The following PABPC1L variants were observed in gnomAD, a reference collection of about 807,000 sequenced individuals.
The protein encoded by PABPC1L is polyadenylate-binding protein 1-like.
Under a neutral mutation model 66.6 loss-of-function variants are expected in PABPC1L, and 31 were observed. The ratio of observed to expected loss-of-function variants is 0.47; its 90% CI spans 0.35 to 0.63. PABPC1L has a LOEUF of 0.63. PABPC1L is among the 20% of genes least tolerant of loss of function. PABPC1L has a pLI of 0.00. For missense variants in PABPC1L, 722 were observed against 848.8 expected (o/e 0.85, Z 1.86); for synonymous variants, 348 against 335.1 (o/e 1.04, Z -0.42).
chr20:44,935,298 T>C, intron 10 of PABPC1L, 93 bp from the exon 11 acceptor site: 1 of 886,042 alleles, frequency 1.1e-6, no homozygotes, highest in Non-Finnish European at 1.8e-6. Flanking sequence ...ACGCTTGTTA[T>C]TTTCTGTTTT....
At chr20:44,915,655 C>T (rs1300070772) in intron 2 of PABPC1L, among the ~76,000 whole-genome samples, 1 of 151,918 alleles carries the variant, frequency 6.6e-6, no homozygotes, top group Non-Finnish European at 1.5e-5. Flanking sequence ...AAAAACTAGC[C>T]AGGCATGGTG....
intron 7 of PABPC1L, among the ~76,000 whole-genome samples, chr20:44,928,864 C>CAAAAAAAAAAAAAAAAAAAA (rs10597679): frequency 7.4e-5 from 4 of 54,340 alleles, no homozygotes; most frequent in Non-Finnish European, 9.1e-5. Flanking sequence ...GATCCTGACT[C>CAAAAAAAAAAAAAAAAAAAA]AAAAAAAAAA....
chr20:44,914,117 G>A (rs1041976057), intron 2 of PABPC1L, among the ~76,000 whole-genome samples: 5 of 151,904 alleles, frequency 3.3e-5, no homozygotes, highest in Non-Finnish European at 7.4e-5. Flanking sequence ...GATTTTATAA[G>A]GATAGTTGAT....
chr20:44,911,850 T>A (rs1208481768), intron 1 of PABPC1L, among the ~76,000 whole-genome samples: 1 of 152,222 alleles, frequency 6.6e-6, no homozygotes, highest in Non-Finnish European at 1.5e-5. Context: ...GAATCCGGGC[T>A]TCCTGAAACT....
chr20:44,928,864 C>CAAAAAAAA (rs10597679), intron 7 of PABPC1L, among the ~76,000 whole-genome samples: 10 of 54,358 alleles, frequency 1.8e-4, no homozygotes, highest in South Asian at 8.5e-4. Flanking sequence ...GATCCTGACT[C>CAAAAAAAA]AAAAAAAAAA....
intron 1 of PABPC1L, among the ~76,000 whole-genome samples, chr20:44,910,875 A>G: frequency 6.6e-6 from 1 of 152,220 alleles, no homozygotes; most frequent in East Asian, 1.9e-4. Flanking sequence ...GGGCTCTGAA[A>G]AACCGCTGCC....
At chr20:44,937,873 C>A in intron 12 of PABPC1L, 188 bp from the exon 13 acceptor site, 1 of 761,008 alleles carries the variant, frequency 1.3e-6, no homozygotes, top group Non-Finnish European at 2.0e-6. Flanking sequence ...GATGGGCTGA[C>A]CACCAATACC....
chr20:44,935,694 T>C (rs548209825), intron 11 of PABPC1L, among the ~76,000 whole-genome samples, 197 bp downstream of exon 11: 1 of 152,350 alleles, frequency 6.6e-6, no homozygotes, highest in Non-Finnish European at 1.5e-5. Flanking sequence ...TATTTACAAT[T>C]TGTTTTGCTT....
chr20:44,935,174 G>A (rs1391233720), intron 10 of PABPC1L, among the ~76,000 whole-genome samples: 1 of 151,394 alleles, frequency 6.6e-6, no homozygotes, highest in Non-Finnish European at 1.5e-5. Flanking sequence ...TGGATGATAT[G>A]GTAATTCTGT....
chr20:44,918,816 A>G lies in PABPC1L; in HGVS notation c.504-90A>G, dbSNP rs1413032714. 2.7e-6 allele frequency: 4 copies of G among 1,462,620 alleles called. No homozygotes were observed. The African/African-American group carries it at 4.3e-5, about 16-fold the overall frequency. 90.6% of individuals were successfully genotyped at this position (1,462,620 alleles called of 1,614,324 possible). A position where few individuals can be genotyped will look rare whatever the true frequency, so the allele number is the denominator to read the frequency against. On this transcript the variant is annotated intron_variant, in intron 3 of 14. Transcript: ENST00000217073. ...CCTGATGAGGGATATGTAAGCCTGG[A>G]GAAGGGCAGCAGTTGAGCAGGAGTT...
chr20:44,910,239 T>A lies in PABPC1L; in HGVS notation c.96T>A (p.Ser32=). 6 of 1,568,916 alleles carry A rather than the reference T, an allele frequency of 3.8e-6. No homozygotes were observed. Among genetic ancestry groups the A allele is most frequent in the Non-Finnish European group, 5.2e-6 (6 of 1,157,232 alleles). ...VTEAMLYEKF[S]PAGPILSIRV... ...AGGCCATGCTCTATGAGAAGTTCTC[T>A]CCCGCCGGCCCCATCCTGTCCATCC... The change falls in exon 1 of 15, where the codon TCT becomes TCA. Residue 32 remains serine, a synonymous_variant. Coordinates refer to ENST00000217073, the MANE Select transcript of PABPC1L (RefSeq NM_001372179.1).
At chr20:44,935,057 G>T (rs1238555277) in intron 10 of PABPC1L, among the ~76,000 whole-genome samples, 1 of 148,678 alleles carries the variant, frequency 6.7e-6, no homozygotes, top group Non-Finnish European at 1.5e-5. Context: ...GACAGAGCAA[G>T]ACTCTGTCTC....
chr20:44,938,468 A>C (rs1326309152), intron 13 of PABPC1L, among the ~76,000 whole-genome samples: 1 of 152,156 alleles, frequency 6.6e-6, no homozygotes, highest in Non-Finnish European at 1.5e-5. Context: ...AGATTTTTCC[A>C]GCTGTCCAGC....
At chr20:44,938,567 T>G in intron 13 of PABPC1L, 107 bp from the exon 14 acceptor site, 2 of 1,299,130 alleles carry the variant, frequency 1.5e-6, no homozygotes, top group East Asian at 2.5e-5. Context: ...ACCCTGTGGA[T>G]GGAGGAGGAT....
chr20:44,910,238 C>G lies in PABPC1L; in HGVS notation c.95C>G (p.Ser32Cys), dbSNP rs374819586. The G allele has an allele frequency of 6.4e-7, 1 of 1,569,318 alleles. No homozygotes were observed. The highest frequency in any genetic ancestry group is 8.6e-7 in the Non-Finnish European group (1 of 1,157,392). ...GAGGCCATGCTCTATGAGAAGTTCT[C>G]TCCCGCCGGCCCCATCCTGTCCATC... Reference protein sequence around the residue: ...VTEAMLYEKFSPAGPILSIRV... With the variant: ...VTEAMLYEKFCPAGPILSIRV... Residue 32 changes from serine (S) to cysteine (C), a missense_variant, in exon 1 of 15, where the codon TCT becomes TGT. Around this residue, in one of 3 missense-constraint regions of PABPC1L, gnomAD observed 284 missense variants for 294.8 expected, o/e 0.96. Transcript: ENST00000217073.
chr20:44,913,446 CTG>C (rs1346172661), intron 2 of PABPC1L, among the ~76,000 whole-genome samples: 1 of 151,908 alleles, frequency 6.6e-6, no homozygotes, highest in Non-Finnish European at 1.5e-5. Flanking sequence ...CAGTCTTACT[CTG>C]TTGCCTAGGC....
intron 5 of PABPC1L, among the ~76,000 whole-genome samples, chr20:44,919,706 A>G (rs2145561437): frequency 6.6e-6 from 1 of 152,184 alleles, no homozygotes; most frequent in East Asian, 1.9e-4. Context: ...AAAACTCTCC[A>G]GATGTGATGG....
intron 1 of PABPC1L, among the ~76,000 whole-genome samples, chr20:44,911,069 A>G (rs974057378): frequency 2.0e-5 from 3 of 152,182 alleles, no homozygotes; most frequent in African/African-American, 7.2e-5. Flanking sequence ...AGAATGGAGA[A>G]CTGCTGTCTA....
chr20:44,936,806 A>G, intron 12 of PABPC1L, 76 bp downstream of exon 12: 1 of 1,429,612 alleles, frequency 7.0e-7, no homozygotes, highest in Non-Finnish European at 9.7e-7. Context: ...GAAACACCTC[A>G]CCTGGTGGTC....
Sources: gnomAD v4.1 joint callset for allele counts (sites outside exome capture counted in the v4.1 genomes callset) on GRCh38, gnomAD v4.1.1 for gene constraint, gnomAD v4.1.1 regional missense constraint, MANE v1.5 for transcripts, NCBI Gene and HGNC (gene_info 2026-07-23, HGNC 2026-07-21) for gene names.